Variants in ULK4 observed in about 807,000 individuals in gnomAD.
ULK4 encodes inactive serine/threonine-protein kinase ULK4.
In ULK4, 133 loss-of-function variants were observed where a neutral mutation model predicts 160.6. The ratio of observed to expected loss-of-function variants is 0.83; its 90% CI spans 0.72 to 0.96. The LOEUF (loss-of-function observed/expected upper bound fraction) is 0.96. Among genes scored for constraint, ULK4 ranks in the 40% least tolerant of loss-of-function variants. The pLI is 0.00. For synonymous variants in ULK4, 534 were observed against 539.8 expected, an observed-to-expected ratio of 0.99 and a Z score of 0.15; for missense variants, 1,580 against 1,499.5, an observed-to-expected ratio of 1.05 and a Z score of -0.89.
intron 8 of ULK4, among the ~76,000 whole-genome samples, chr3:41,913,955 C>T (rs113943486): frequency 3.3e-5 from 5 of 152,154 alleles, no homozygotes; most frequent in African/African-American, 9.6e-5. Context: ...AGAGTGAGAC[C>T]CCGTCTCCGG....
chr3:41,953,312 T>A (rs1175792458), intron 2 of ULK4, among the ~76,000 whole-genome samples: 1,059 of 40,004 alleles, frequency 0.026, 12 homozygotes, highest in Admixed American at 0.059. Flanking sequence ...ATATTTTTTT[T>A]TTTTTTTGAG....
At chr3:41,273,207 C>CA (rs1210482026) in intron 35 of ULK4, among the ~76,000 whole-genome samples, 39 of 152,214 alleles carry the variant, frequency 2.6e-4, no homozygotes, top group African/African-American at 7.5e-4. Flanking sequence ...TTACTAGAAA[C>CA]ATTTTGTTTT....
chr3:41,897,965 GTAA>G (rs920492349), intron 14 of ULK4, among the ~76,000 whole-genome samples: 4 of 152,148 alleles, frequency 2.6e-5, no homozygotes, highest in African/African-American at 9.7e-5. Flanking sequence ...CAACAGAAAT[GTAA>G]TAATTATCCC....
intron 17 of ULK4, among the ~76,000 whole-genome samples, chr3:41,872,970 T>C (rs1403900109): frequency 6.6e-6 from 1 of 152,074 alleles, no homozygotes; most frequent in Non-Finnish European, 1.5e-5. Flanking sequence ...CTGGCCAAGA[T>C]GGTGAAACCC....
intron 32 of ULK4, among the ~76,000 whole-genome samples, chr3:41,503,285 A>G (rs1295024824): frequency 6.6e-6 from 1 of 152,244 alleles, no homozygotes; most frequent in African/African-American, 2.4e-5. Flanking sequence ...CTCACAAGAA[A>G]CTTAGTTAGT....
chr3:41,614,035 C>A (rs745759505), intron 31 of ULK4, among the ~76,000 whole-genome samples: 1 of 152,182 alleles, frequency 6.6e-6, no homozygotes, highest in Admixed American at 6.5e-5. Context: ...ATACAAAACA[C>A]TTGTTGGGTG....
intron 31 of ULK4, among the ~76,000 whole-genome samples, chr3:41,597,156 GT>G (rs767766917): frequency 1.3e-5 from 2 of 152,128 alleles, no homozygotes; most frequent in East Asian, 3.9e-4. Flanking sequence ...GGGAGGGGTA[GT>G]CTCCCCACTC....
chr3:41,439,132 G>A (rs2125854623), intron 34 of ULK4, among the ~76,000 whole-genome samples: 1 of 152,286 alleles, frequency 6.6e-6, no homozygotes, highest in African/African-American at 2.4e-5. Context: ...TTCCAGCTGT[G>A]GGCCTCCTGC....
At chr3:41,323,432 A>ACC (rs1326044674) in intron 35 of ULK4, among the ~76,000 whole-genome samples, 5 of 151,364 alleles carry the variant, frequency 3.3e-5, no homozygotes, top group Non-Finnish European at 7.4e-5. Context: ...ACACACACAC[A>ACC]CACACACCAA....
At chr3:41,664,839 T>C (rs1451944812) in intron 29 of ULK4, among the ~76,000 whole-genome samples, 1 of 152,166 alleles carries the variant, frequency 6.6e-6, no homozygotes, top group Non-Finnish European at 1.5e-5. Flanking sequence ...ATTAAATTTA[T>C]TACCAAAGAG....
intron 27 of ULK4, among the ~76,000 whole-genome samples, chr3:41,695,718 C>G (rs59043489): frequency 0.13 from 20,195 of 152,028 alleles, 4,044 homozygotes; most frequent in African/African-American, 0.44. Context: ...GAGACCGAGG[C>G]CACGAGCTGT....
At chr3:41,864,680 A>G (rs2042577609) in intron 17 of ULK4, among the ~76,000 whole-genome samples, 1 of 152,156 alleles carries the variant, frequency 6.6e-6, no homozygotes, top group African/African-American at 2.4e-5. Flanking sequence ...TTGGGAGGCC[A>G]AAGCAAGCAG....
At chr3:41,731,527 T>C (rs1559513643) in intron 22 of ULK4, among the ~76,000 whole-genome samples, 3 of 151,466 alleles carry the variant, frequency 2.0e-5, no homozygotes, top group Non-Finnish European at 4.4e-5. Context: ...ATTAGAAAAA[T>C]TGATATTGTT....
chr3:41,418,818 C>T (rs1319754000), intron 34 of ULK4, among the ~76,000 whole-genome samples: 1 of 152,198 alleles, frequency 6.6e-6, no homozygotes, highest in Admixed American at 6.5e-5. Flanking sequence ...GTGGACCACA[C>T]AGGTGAAGCC....
chr3:41,291,664 A>G (rs2079567865), intron 35 of ULK4, among the ~76,000 whole-genome samples: 1 of 152,024 alleles, frequency 6.6e-6, no homozygotes, highest in African/African-American at 2.4e-5. Flanking sequence ...AGCAGTTAAA[A>G]TAAAGAAACT....
chr3:41,274,447 C>A (rs1222054521), intron 35 of ULK4, among the ~76,000 whole-genome samples: 1 of 152,312 alleles, frequency 6.6e-6, no homozygotes, highest in Admixed American at 6.5e-5. Context: ...GTGCTCTGCG[C>A]TGCCCACTTA....
intron 35 of ULK4, among the ~76,000 whole-genome samples, chr3:41,341,279 T>C (rs183888165): frequency 1.3e-5 from 2 of 152,330 alleles, no homozygotes; most frequent in East Asian, 3.9e-4. Context: ...TTTACCTATA[T>C]AGCCAGGCCC....
chr3:41,540,838 G>C, intron 32 of ULK4, among the ~76,000 whole-genome samples: 1 of 151,950 alleles, frequency 6.6e-6, no homozygotes. Flanking sequence ...GTCTTCTTTT[G>C]AGAAGTGTCT....
intron 35 of ULK4, among the ~76,000 whole-genome samples, chr3:41,359,222 C>G (rs60482228): frequency 6.6e-6 from 1 of 152,122 alleles, no homozygotes; most frequent in Non-Finnish European, 1.5e-5. Flanking sequence ...GCCAATGAGC[C>G]AAGTGGGCGA....
Sources: allele counts gnomAD v4.1 joint callset (sites outside exome capture counted in the v4.1 genomes callset), GRCh38; gene constraint gnomAD v4.1.1; transcripts MANE v1.5; gene names NCBI Gene and HGNC (gene_info 2026-07-23, HGNC 2026-07-21).